ZFHX3: variants seen among roughly 807,000 people sequenced by gnomAD.
ZFHX3 encodes the protein zinc finger homeobox 3, also known as zinc finger homeobox protein 3.
In ZFHX3, 42 loss-of-function variants were observed where a neutral mutation model predicts 279.1. The ratio of observed to expected loss-of-function variants is 0.15; its 90% CI spans 0.12 to 0.19. The LOEUF is 0.19. Among genes scored for constraint, ZFHX3 ranks in the 10% least tolerant of loss-of-function variants. The pLI, the probability that ZFHX3 is intolerant of heterozygous loss-of-function variation, is 1.00. For missense variants in ZFHX3, 4,981 were observed against 4,754.0 expected, an observed-to-expected ratio of 1.05 and a Z score of -1.40; for synonymous variants, 2,293 against 1,957.8, an observed-to-expected ratio of 1.17 and a Z score of -4.52.
In ZFHX3 at chr16:72,798,584, C is replaced by A; in HGVS notation, c.4098G>T (p.Gly1366=). Residue 1366 remains glycine, a synonymous_variant, in exon 9 of 10, where the codon GGG becomes GGT. Transcript: ENST00000268489. ...CAGAAGTTTTGAAAACCTGGTTGCA[C>A]CCCTTCTTCCAGCAGATGAAGCCTG... The part of the protein sequence containing the change: ...EDSGFICWKK[G]CNQVFKTSAA... The A allele has an allele frequency of 6.8e-6, 11 of 1,614,146 alleles. No individual in the cohort carries two copies. Among genetic ancestry groups the A allele is most frequent in the Admixed American group, 3.3e-5 (2 of 60,034 alleles).
rs2035780014 is a variant in ZFHX3 at position 72,793,363 on chromosome 16, G to C, written c.9319C>G (p.Gln3107Glu). ...TATGCTGTAGGAAGGTTAAGGGCCT[G>C]AAGAGGGGTGTTGTCAAACATCCCT... ...QQGMFDNTPL[Q>E]ALNLPTAYPA... Residue 3107 changes from glutamine (Q) to glutamate (E), a missense_variant, in exon 9 of 10, where the codon CAG becomes GAG. Gln to Glu is a conservative substitution (Grantham distance 29). Around this residue, in one of 7 missense-constraint regions of ZFHX3, gnomAD observed 1,034 missense variants for 786.0 expected, o/e 1.32. Coordinates refer to ENST00000268489, the MANE Select transcript of ZFHX3 (RefSeq NM_006885.4). The surrounding 1 kb of genome is among the most constrained non-coding windows in gnomAD (Gnocchi z 4.3). 4.3e-6 allele frequency: 7 copies of C among 1,614,202 alleles called. No individual in the cohort carries two copies. The highest frequency in any genetic ancestry group is 5.9e-6 in the Non-Finnish European group (7 of 1,180,040).
intron 3 of ZFHX3, among the ~76,000 whole-genome samples, chr16:73,398,673 A>T (rs1567471738): frequency 6.6e-6 from 1 of 152,220 alleles, no homozygotes; most frequent in Non-Finnish European, 1.5e-5. Flanking sequence ...GTCCAGACTT[A>T]TCAGAGAAAT....
chr16:73,681,481 A>G (rs2053009051), intron 1 of ZFHX3, among the ~76,000 whole-genome samples: 1 of 152,222 alleles, frequency 6.6e-6, no homozygotes, highest in South Asian at 2.1e-4. Context: ...CTAATCCAAA[A>G]TGGGGAGAAA....
At chr16:72,800,451 A>G (rs538600692) in intron 7 of ZFHX3, among the ~76,000 whole-genome samples, 1 of 152,338 alleles carries the variant, frequency 6.6e-6, no homozygotes, top group South Asian at 2.1e-4. Flanking sequence ...TGTGCAACCA[A>G]TTAGGTAGAT....
rs1352085232 is a variant in ZFHX3, at chr16:72,787,205, T to TA, written c.11070_11071insT (p.Ser3691Ter). 6.2e-7 allele frequency: 1 copy of TA among 1,613,774 alleles called. No homozygotes were observed. The highest frequency in any genetic ancestry group is 8.5e-7 in the Non-Finnish European group (1 of 1,179,832). Reference sequence around the variant, plus strand: ...TCCGTTCCTACACTGGTCAGACCACTGTCCTTGGGGCAGCTGGGGTCTTTG... The same window carrying TA: ...TCCGTTCCTACACTGGTCAGACCACTAGTCCTTGGGGCAGCTGGGGTCTTTG... On this transcript the variant is annotated frameshift_variant, in exon 10 of 10. Transcript: ENST00000268489. LOFTEE classifies it high-confidence loss of function.
intron 3 of ZFHX3, among the ~76,000 whole-genome samples, chr16:73,408,060 TGGGGGTGGGTG>T (rs1006024330): frequency 1.6e-4 from 19 of 116,240 alleles, no homozygotes; most frequent in African/African-American, 5.7e-4. Flanking sequence ...CAGGAGTGGA[TGGGGGTGGGTG>T]GGGGAAGAAG....
At chr16:73,384,294 C>CA (rs1431163437) in intron 3 of ZFHX3, among the ~76,000 whole-genome samples, 28 of 152,328 alleles carry the variant, frequency 1.8e-4, no homozygotes, top group African/African-American at 6.5e-4. Flanking sequence ...GTAGTTACAA[C>CA]GAGATCATAT....
intron 1 of ZFHX3, among the ~76,000 whole-genome samples, chr16:73,780,447 CT>C (rs879667609): frequency 1.1e-3 from 152 of 142,038 alleles, no homozygotes; most frequent in Admixed American, 1.6e-3. Flanking sequence ...CGTGCCTGAA[CT>C]TTTTTTTTTT....
Position 72,797,379 on chromosome 16 carries a change from T to G in ZFHX3, c.5303A>C (p.Gln1768Pro). 2 of 1,604,768 alleles carry G rather than the reference T, an allele frequency of 1.2e-6. No homozygotes were observed. The highest frequency in any genetic ancestry group is 1.7e-6 in the Non-Finnish European group (2 of 1,175,554). The part of the protein sequence containing the change: ...QELQQQAALI[Q>P]SQLFNPTLLP... ...GAGGGTGGGGTTAAACAGCTGAGAC[T>G]GGATCAGGGCAGCCTGTTGCTGCAG... Residue 1768 changes from glutamine to proline, a missense_variant, in exon 9 of 10, where the codon CAG becomes CCG. Transcript: ENST00000268489.
At chr16:73,287,851 T>A (rs2014667986) in intron 4 of ZFHX3, among the ~76,000 whole-genome samples, 1 of 151,322 alleles carries the variant, frequency 6.6e-6, no homozygotes, top group South Asian at 2.1e-4. Flanking sequence ...TGAGTGGCTG[T>A]GTGGGTCAGT....
chr16:73,732,783 T>C (rs1223279310), intron 1 of ZFHX3, among the ~76,000 whole-genome samples: 1 of 152,202 alleles, frequency 6.6e-6, no homozygotes, highest in Non-Finnish European at 1.5e-5. Flanking sequence ...TGATAAAATA[T>C]GCATTTCGGA....
At chr16:73,789,452 T>G (rs371019931) in intron 1 of ZFHX3, among the ~76,000 whole-genome samples, 19 of 152,262 alleles carry the variant, frequency 1.2e-4, no homozygotes, top group Non-Finnish European at 2.4e-4. Flanking sequence ...ACTGCTGGGA[T>G]TACAGGCGTG....
intron 8 of ZFHX3, among the ~76,000 whole-genome samples, chr16:73,090,104 A>G (rs1005791193): frequency 6.6e-6 from 1 of 152,110 alleles, no homozygotes; most frequent in Middle Eastern, 3.2e-3. Flanking sequence ...TTTAAACTAT[A>G]TCTGTGGGGC....
intron 1 of ZFHX3, among the ~76,000 whole-genome samples, chr16:73,756,860 C>T (rs910752759): frequency 6.6e-6 from 1 of 151,992 alleles, no homozygotes; most frequent in African/African-American, 2.4e-5. Flanking sequence ...CATAATAGTG[C>T]CGTGTATGTT....
intron 5 of ZFHX3, among the ~76,000 whole-genome samples, chr16:73,196,943 T>C (rs774917413): frequency 2.0e-5 from 3 of 152,166 alleles, no homozygotes; most frequent in Non-Finnish European, 2.9e-5. Context: ...GACACTGGTA[T>C]TGACATGGTG....
At chr16:73,281,824 C>A (rs1471771611) in intron 4 of ZFHX3, among the ~76,000 whole-genome samples, 1 of 152,020 alleles carries the variant, frequency 6.6e-6, no homozygotes, top group Non-Finnish European at 1.5e-5. Flanking sequence ...AACGAACAAA[C>A]AAAAGGCTTG....
chr16:72,835,585 A>G (rs1044910769), intron 4 of ZFHX3, among the ~76,000 whole-genome samples: 1 of 152,054 alleles, frequency 6.6e-6, no homozygotes, highest in African/African-American at 2.4e-5. Context: ...TTTTCAACCT[A>G]ATTAACCCAA....
intron 1 of ZFHX3, among the ~76,000 whole-genome samples, chr16:73,735,213 C>T (rs1056031825): frequency 6.6e-6 from 1 of 152,064 alleles, no homozygotes; most frequent in African/African-American, 2.4e-5. Flanking sequence ...GAAATCCCCA[C>T]AGCTGAAAGT....
chr16:73,070,147 G>A (rs146151419), intron 8 of ZFHX3, among the ~76,000 whole-genome samples: 86 of 152,240 alleles, frequency 5.6e-4, no homozygotes, highest in African/African-American at 1.9e-3. Flanking sequence ...CTTTTCTGTT[G>A]TGGGGTCTCC....
Sources: allele counts gnomAD v4.1 joint callset (sites outside exome capture counted in the v4.1 genomes callset), GRCh38; gene constraint gnomAD v4.1.1; regional missense constraint gnomAD v4.1.1; non-coding constraint Gnocchi (gnomAD v3.1); transcripts MANE v1.5; gene names NCBI Gene and HGNC (gene_info 2026-07-23, HGNC 2026-07-21).